Variants in TTLL5 observed in about 807,000 individuals in gnomAD.
TTLL5 encodes the protein tubulin tyrosine ligase like 5.
Under a neutral mutation model 168.4 loss-of-function variants are expected in TTLL5, and 132 were observed. That is an observed-to-expected ratio of 0.78 (90% CI 0.68 to 0.91). TTLL5 has a LOEUF of 0.91. Among genes scored for constraint, TTLL5 ranks in the 40% least tolerant of loss-of-function variants. The pLI, the probability that TTLL5 is intolerant of heterozygous loss-of-function variation, is 0.00. For synonymous variants in TTLL5, 546 were observed against 558.6 expected, an observed-to-expected ratio of 0.98 and a Z score of 0.32; for missense variants, 1,545 against 1,581.5, an observed-to-expected ratio of 0.98 and a Z score of 0.39.
chr14:75,822,677 A>G (rs1213736645), intron 28 of TTLL5, among the ~76,000 whole-genome samples: 2 of 152,220 alleles, frequency 1.3e-5, no homozygotes, highest in Admixed American at 1.3e-4. Flanking sequence ...TGGTGTTGCT[A>G]TTGTTCCCAA....
At chr14:75,802,229 A>G (rs1893365179) in intron 27 of TTLL5, among the ~76,000 whole-genome samples, 1 of 151,950 alleles carries the variant, frequency 6.6e-6, no homozygotes. Flanking sequence ...ACTTTGTTCC[A>G]CTATTTCAAT....
chr14:75,707,563 C>T, intron 8 of TTLL5, 60 bp from the exon 9 acceptor site: 2 of 1,486,068 alleles, frequency 1.3e-6, no homozygotes, highest in East Asian at 4.6e-5. Context: ...GTTGTTTATT[C>T]TGTAACAGGA....
At chr14:75,798,332 CTTCTT>C (rs1482595780) in intron 27 of TTLL5, among the ~76,000 whole-genome samples, 7 of 151,572 alleles carry the variant, frequency 4.6e-5, no homozygotes, top group Non-Finnish European at 7.4e-5. Flanking sequence ...GATCTTCTCT[CTTCTT>C]TTCTTCTTCT....
rs772855019 is a variant in TTLL5 at position 75,764,734 on chromosome 14, G to A, written c.1670G>A (p.Arg557Gln). The A allele has an allele frequency of 7.4e-6, 12 of 1,614,134 alleles. No individual in the cohort carries two copies. The highest frequency in any genetic ancestry group is 1.7e-5 in the Admixed American group (1 of 60,018). Residue 557 changes from arginine to glutamine, a missense_variant, in exon 19 of 32, where the codon CGG (arginine) becomes CAG (glutamine). By Grantham distance (43) the Arg-to-Gln change is conservative. Transcript: ENST00000298832. ...CTGGAGGTGCGAAAACGTAGACGACGGAGTAGCAGATTGAGGGCAATGAGG... is the reference window on the plus strand; with the variant it reads ...CTGGAGGTGCGAAAACGTAGACGACAGAGTAGCAGATTGAGGGCAATGAGG... Reference protein sequence around the residue: ...LSLEVRKRRRRSSRLRAMRPK... With the variant: ...LSLEVRKRRRQSSRLRAMRPK...
At chr14:75,947,923 G>C (rs183079814) in intron 31 of TTLL5, among the ~76,000 whole-genome samples, 1 of 140,132 alleles carries the variant, frequency 7.1e-6, no homozygotes, top group African/African-American at 2.7e-5. Context: ...CTGGGCAACA[G>C]AGCAAGACCC....
At chr14:75,684,868 T>C (rs1245897160) in intron 5 of TTLL5, 1 of 152,262 alleles carries the variant, frequency 6.6e-6, no homozygotes, top group African/African-American at 2.4e-5. Context: ...GGGAATGTTC[T>C]ATACAGAACT....
intron 3 of TTLL5, among the ~76,000 whole-genome samples, chr14:75,680,206 A>G (rs1027660182): frequency 6.6e-6 from 1 of 152,170 alleles, no homozygotes; most frequent in Admixed American, 6.5e-5. Flanking sequence ...GAAATCTCAC[A>G]TGGTTTCAGA....
chr14:75,676,083 G>A (rs1884128945), intron 3 of TTLL5, among the ~76,000 whole-genome samples: 1 of 152,132 alleles, frequency 6.6e-6, no homozygotes, highest in African/African-American at 2.4e-5. Flanking sequence ...CAGAGAGAGA[G>A]CAAAACCAAT....
chr14:75,906,508 A>C, intron 31 of TTLL5: 1 of 985,704 alleles, frequency 1.0e-6, no homozygotes. Context: ...CCTTTGGGCC[A>C]AAATCAAATG....
In TTLL5 at chr14:75,707,652, C is replaced by T. The variant is rs759141271; in HGVS notation, c.685C>T (p.Leu229Phe). ...DFKFDVRLYVLVTSYDPLVIY... is the reference protein window; with the variant it reads ...DFKFDVRLYVFVTSYDPLVIY... ...CAAGTTTGACGTGCGCCTCTATGTG[C>T]TCGTGACTTCCTATGATCCTCTTGT... is the stretch of plus-strand genomic sequence containing the variant. Residue 229 changes from leucine (L) to phenylalanine (F), a missense_variant, in exon 9 of 32, where the codon CTC becomes TTC. Physicochemically the swap from Leu to Phe is conservative, Grantham distance 22 (BLOSUM62 0). Coordinates refer to ENST00000298832, the MANE Select transcript of TTLL5 (RefSeq NM_015072.5). 3 of 1,610,762 alleles carry T rather than the reference C, an allele frequency of 1.9e-6. No individual in the cohort carries two copies. Among genetic ancestry groups the T allele is most frequent in the South Asian group, 1.1e-5 (1 of 90,898 alleles).
chr14:75,907,876 G>C (rs910531018), intron 31 of TTLL5, among the ~76,000 whole-genome samples: 3 of 152,212 alleles, frequency 2.0e-5, no homozygotes, highest in African/African-American at 7.2e-5. Context: ...GAACAAATGT[G>C]ACACCAAGCT....
chr14:75,695,003 C>T (rs972680129), intron 6 of TTLL5, among the ~76,000 whole-genome samples: 3 of 152,162 alleles, frequency 2.0e-5, no homozygotes, highest in African/African-American at 7.2e-5. Flanking sequence ...GAAAAAAGAA[C>T]AGGATAACAG....
chr14:75,785,095 G>A (rs1211866571), intron 26 of TTLL5, among the ~76,000 whole-genome samples: 1 of 142,956 alleles, frequency 7.0e-6, no homozygotes, highest in Non-Finnish European at 1.5e-5. Flanking sequence ...CAGTTTATCT[G>A]TTTTTTTTCT....
chr14:75,914,203 ACTT>A (rs1246874734), intron 31 of TTLL5, among the ~76,000 whole-genome samples: 1 of 151,220 alleles, frequency 6.6e-6, no homozygotes, highest in East Asian at 1.9e-4. Flanking sequence ...AAAGTTTAAC[ACTT>A]CTTCAGATTT....
intron 27 of TTLL5, among the ~76,000 whole-genome samples, chr14:75,795,225 CA>C (rs1762646088): frequency 6.6e-6 from 1 of 152,156 alleles, no homozygotes; most frequent in South Asian, 2.1e-4. Context: ...GAGGAAAATA[CA>C]ACAGGGTCAT....
intron 20 of TTLL5, among the ~76,000 whole-genome samples, chr14:75,767,690 G>C (rs1891048436): frequency 6.6e-6 from 1 of 152,198 alleles, no homozygotes; most frequent in African/African-American, 2.4e-5. Context: ...TTATTTTCTA[G>C]ATGACTTTTA....
At chr14:75,870,283 T>A (rs555576962) in intron 29 of TTLL5, among the ~76,000 whole-genome samples, 3 of 151,664 alleles carry the variant, frequency 2.0e-5, no homozygotes, top group Middle Eastern at 3.4e-3. Flanking sequence ...TTTTTTTCCT[T>A]TTTCTGGAGA....
intron 30 of TTLL5, among the ~76,000 whole-genome samples, chr14:75,892,209 A>G (rs2032434828): frequency 6.6e-6 from 1 of 152,230 alleles, no homozygotes; most frequent in Non-Finnish European, 1.5e-5. Context: ...ACACTTTCAC[A>G]TCCATTTCCC....
intron 30 of TTLL5, among the ~76,000 whole-genome samples, chr14:75,897,338 G>A (rs1031090980): frequency 3.9e-5 from 6 of 152,198 alleles, no homozygotes; most frequent in Non-Finnish European, 5.9e-5. Context: ...AGGAGCATGC[G>A]ACTGTTCATT....
Sources: gnomAD v4.1 joint callset for allele counts (sites outside exome capture counted in the v4.1 genomes callset) on GRCh38, gnomAD v4.1.1 for gene constraint, MANE v1.5 for transcripts, NCBI Gene and HGNC (gene_info 2026-07-23, HGNC 2026-07-21) for gene names.